The following SGIP1 variants were observed in gnomAD, a reference collection of about 807,000 sequenced individuals.
SGIP1 encodes SH3-containing GRB2-like protein 3-interacting protein 1.
SGIP1 carries 38 observed loss-of-function variants against 107.5 expected under a neutral mutation model. That is an observed-to-expected ratio of 0.35 (90% CI 0.27 to 0.46). The LOEUF is 0.46. Among genes scored for constraint, SGIP1 ranks in the 20% least tolerant of loss-of-function variants. The probability of loss-of-function intolerance (pLI) is 1.00; values close to 1 mark genes in which losing one functional copy is unlikely to be tolerated. For synonymous variants in SGIP1, 365 were observed against 366.1 expected, an observed-to-expected ratio of 1.00 and a Z score of 0.03; for missense variants, 929 against 1,019.5, an observed-to-expected ratio of 0.91 and a Z score of 1.21.
rs538135800 is a variant in SGIP1, at chr1:66,618,403, T to TA, written c.11-7436dup. On this transcript the variant is annotated intron_variant, in intron 1 of 24. Coordinates refer to ENST00000371037, the MANE Select transcript of SGIP1 (RefSeq NM_032291.4). ...CAAACATCAGCAAAAGTCATTAGTT[T>TA]AAAAAAAATGATTATATAAACACTA... 5.4e-3 allele frequency among the ~76,000 whole-genome samples: 818 copies of TA among 152,172 alleles called. 3 individuals carry two copies. Among genetic ancestry groups the TA allele is most frequent in the Non-Finnish European group, 9.1e-3 (616 of 67,968 alleles).
At chr1:66,722,018 C>T (rs2093561933) in intron 19 of SGIP1, among the ~76,000 whole-genome samples, 1 of 152,134 alleles carries the variant, frequency 6.6e-6, no homozygotes, top group Non-Finnish European at 1.5e-5. Flanking sequence ...ACTCCCCCAG[C>T]CTCACCCCGT....
In SGIP1 at chr1:66,671,922, G is replaced by T. The variant is rs776619313; in HGVS notation, c.509-22G>T. 4.3e-6 allele frequency: 7 copies of T among 1,613,228 alleles called. No individual in the cohort carries two copies. In the African/African-American group the frequency reaches 8.0e-5, roughly 18 times the overall value. On this transcript the variant is annotated intron_variant, in intron 10 of 24. Transcript: ENST00000371037. ...GGAATGGTAAAAATTTGTCTAAAAA[G>T]TTCCTTTGTCCTGTGCATCAGGTGA...
rs560523044 is a variant in SGIP1, at chr1:66,671,432, G to A, written c.508+413G>A. On this transcript the variant is annotated intron_variant, in intron 10 of 24. Transcript: ENST00000371037. ...AAATTTTAGTCAACCAAAGTGATGC[G>A]ATATAGGTTATAATACACATAGGGC... 8.0e-4 allele frequency among the ~76,000 whole-genome samples: 122 copies of A among 152,160 alleles called. No homozygotes were observed. The South Asian group carries it at 0.017, about 21-fold the overall frequency.
chr1:66,596,708 A>G (rs1159153696), intron 1 of SGIP1, among the ~76,000 whole-genome samples: 3 of 151,588 alleles, frequency 2.0e-5, no homozygotes, highest in Non-Finnish European at 4.4e-5. Flanking sequence ...ATCAATGTCA[A>G]TTTCCTGATT....
At chr1:66,742,929 T>C (rs532883745) in intron 24 of SGIP1, 144 bp from the exon 25 acceptor site, 75 of 735,996 alleles carry the variant, frequency 1.0e-4, no homozygotes, top group Non-Finnish European at 1.5e-4. Flanking sequence ...GGAAACTTTA[T>C]GTATCTTTTA....
intron 1 of SGIP1, among the ~76,000 whole-genome samples, chr1:66,563,907 C>G (rs2059301118): frequency 6.6e-6 from 1 of 151,940 alleles, no homozygotes; most frequent in Admixed American, 6.6e-5. Context: ...CTGTTAGGGG[C>G]AAATTGTAAC....
chr1:66,693,856 C>A (rs2090358433), intron 17 of SGIP1, among the ~76,000 whole-genome samples: 2 of 152,184 alleles, frequency 1.3e-5, no homozygotes, highest in African/African-American at 4.8e-5. Flanking sequence ...ATTAACGGTC[C>A]ATAACTATCA....
chr1:66,588,638 CTTT>C (rs35096597), intron 1 of SGIP1, among the ~76,000 whole-genome samples: 3,956 of 98,740 alleles, frequency 0.04, 95 homozygotes, highest in African/African-American at 0.13. Flanking sequence ...CTAGTTAGTT[CTTT>C]TTTTTTTTTT....
Position 66,747,093 on chromosome 1 carries a change from A to G in SGIP1, c.*3998A>G, listed in dbSNP as rs1413363081. 2 of 152,104 alleles carry G rather than the reference A, an allele frequency of 1.3e-5. No individual in the cohort carries two copies. Among genetic ancestry groups the G allele is most frequent in the Non-Finnish European group, 2.9e-5 (2 of 67,938 alleles). 9.4% of individuals were successfully genotyped at this position (152,104 alleles called of 1,614,324 possible). A position where few individuals can be genotyped will look rare whatever the true frequency, so the allele number is the denominator to read the frequency against. ...TTCCATGATTCTACTTTACTCAGAT[A>G]TACCACCTTTTGTGGCATTATAAGG... is the stretch of plus-strand genomic sequence containing the variant. On this transcript the variant is annotated 3_prime_UTR_variant, in exon 25 of 25. Transcript: ENST00000371037.
intron 1 of SGIP1, among the ~76,000 whole-genome samples, chr1:66,571,987 A>G (rs1045981126): frequency 2.0e-5 from 3 of 152,080 alleles, no homozygotes; most frequent in Admixed American, 6.6e-5. Context: ...TTCTTTTTCT[A>G]TGACTCACTT....
chr1:66,635,583 A>G lies in SGIP1; in HGVS notation c.100-361A>G, dbSNP rs182982018. 3.1e-3 allele frequency among the ~76,000 whole-genome samples: 472 copies of G among 152,340 alleles called. 3 individuals carry two copies. Among genetic ancestry groups the G allele is most frequent in the Middle Eastern group, 0.017 (5 of 294 alleles). ...AACTTTTCCTACTTAGGTTAGAAAT[A>G]CAAACATTTTTATTCAGTCTCTTCT... On this transcript the variant is annotated intron_variant, in intron 3 of 24. Transcript: ENST00000371037.
chr1:66,674,806 T>C (rs1400423511), intron 12 of SGIP1, among the ~76,000 whole-genome samples: 2 of 152,184 alleles, frequency 1.3e-5, no homozygotes, highest in Non-Finnish European at 2.9e-5. Context: ...CTAGAAGAGA[T>C]ACAAGTCACT....
intron 18 of SGIP1, among the ~76,000 whole-genome samples, chr1:66,703,883 T>C (rs1054001008): frequency 6.6e-6 from 1 of 151,912 alleles, no homozygotes; most frequent in Non-Finnish European, 1.5e-5. Context: ...TCTGTGTGTG[T>C]GTGTGTGTGT....
intron 18 of SGIP1, among the ~76,000 whole-genome samples, chr1:66,702,293 C>T (rs917962984): frequency 2.0e-5 from 3 of 152,120 alleles, no homozygotes; most frequent in Non-Finnish European, 2.9e-5. Flanking sequence ...TGGTTAAATA[C>T]GTTGAAAGGG....
chr1:66,740,859 A>G (rs2094427366), intron 23 of SGIP1, 137 bp downstream of exon 23: 2 of 624,802 alleles, frequency 3.2e-6, no homozygotes, highest in Non-Finnish European at 2.8e-6. Context: ...ACTTATTTCA[A>G]TTAATAAAAG....
chr1:66,586,440 T>C (rs2062625056), intron 1 of SGIP1, among the ~76,000 whole-genome samples: 1 of 152,110 alleles, frequency 6.6e-6, no homozygotes, highest in African/African-American at 2.4e-5. Flanking sequence ...CTTGAACATG[T>C]TTTTTCAGAA....
intron 1 of SGIP1, among the ~76,000 whole-genome samples, chr1:66,623,081 A>G (rs568658264): frequency 6.6e-6 from 1 of 152,250 alleles, no homozygotes; most frequent in Non-Finnish European, 1.5e-5. Context: ...ACTTCCCTTC[A>G]CTCAATTTTA....
chr1:66,612,579 A>T lies in SGIP1; in HGVS notation c.11-13268A>T, dbSNP rs572424227. 3.9e-5 allele frequency among the ~76,000 whole-genome samples: 6 copies of T among 152,250 alleles called. No individual in the cohort carries two copies. In the South Asian group the frequency reaches 1.2e-3, roughly 32 times the overall value. ...AAATGGTAATAATAATTATATCAAT[A>T]AATGATATTAATTTTTGCTTGGGTA... is the stretch of plus-strand genomic sequence containing the variant. On this transcript the variant is annotated intron_variant, in intron 1 of 24. Transcript: ENST00000371037.
At chr1:66,544,571 C>T (rs1403242610) in intron 1 of SGIP1, among the ~76,000 whole-genome samples, 1 of 152,134 alleles carries the variant, frequency 6.6e-6, no homozygotes, top group East Asian at 1.9e-4. Context: ...CACCTGTACT[C>T]CCAGCTAATC....
Sources: gnomAD v4.1 joint callset for allele counts (sites outside exome capture counted in the v4.1 genomes callset) on GRCh38, gnomAD v4.1.1 for gene constraint, MANE v1.5 for transcripts, NCBI Gene and HGNC (gene_info 2026-07-23, HGNC 2026-07-21) for gene names.